Variants in PTCH1 observed in about 807,000 individuals in gnomAD.
PTCH1 encodes the protein protein patched homolog 1.
In PTCH1, 14 loss-of-function variants were observed where a neutral mutation model predicts 144.6. That is an observed-to-expected ratio of 0.10 (90% CI 0.06 to 0.15). PTCH1 has a LOEUF of 0.15. PTCH1 is among the 10% of genes least tolerant of loss of function. The pLI is 1.00. For missense variants in PTCH1, 1,623 were observed against 1,948.3 expected, an observed-to-expected ratio of 0.83 and a Z score of 3.14; for synonymous variants, 833 against 793.6, an observed-to-expected ratio of 1.05 and a Z score of -0.83.
chr9:95,466,293 C>T lies in PTCH1; in HGVS notation c.2560+823G>A, dbSNP rs957750732. 4.6e-5 allele frequency among the ~76,000 whole-genome samples: 7 copies of T among 152,096 alleles called. No homozygotes were observed. In the East Asian group the frequency reaches 5.8e-4, roughly 13 times the overall value. On this transcript the variant is annotated intron_variant, in intron 15 of 23. Coordinates refer to ENST00000331920, the MANE Select transcript of PTCH1 (RefSeq NM_000264.5). ...AACTCCTGACCTCAGGTGATCTGCC[C>T]GCCTTGGCATCCCAAAGTGCTGGGA...
intron 15 of PTCH1, among the ~76,000 whole-genome samples, chr9:95,465,844 T>C (rs1839950259): frequency 6.6e-6 from 1 of 152,244 alleles, no homozygotes. Flanking sequence ...AGTGTTTTGC[T>C]TGAATTGGGT....
chr9:95,492,366 G>C (rs1413817032), intron 2 of PTCH1, among the ~76,000 whole-genome samples: 1 of 152,098 alleles, frequency 6.6e-6, no homozygotes, highest in East Asian at 1.9e-4. Flanking sequence ...GAAAATGATT[G>C]CTTATCGGCA....
rs1841918369 is a variant in PTCH1, at chr9:95,485,768, A to G, written c.501T>C (p.Ala167=). ...LMIQTPKEEG[A]NVLTTEALLQ... The stretch of plus-strand genomic sequence containing the variant: ...GGAGCGCTTCTGTGGTCAGGACATT[A>G]GCACCTTCTTCTTTAGGGGTCTGTA... Residue 167 remains alanine (A), a synonymous_variant, in exon 3 of 24, where the codon GCT becomes GCC. Transcript: ENST00000331920. The G allele has an allele frequency of 6.2e-7, 1 of 1,614,222 alleles. No homozygotes were observed. Among genetic ancestry groups the G allele is most frequent in the Non-Finnish European group, 8.5e-7 (1 of 1,180,044 alleles).
In PTCH1 at chr9:95,453,478, C is replaced by T; in HGVS notation, c.3449G>A (p.Arg1150Lys). 5 of 1,614,104 alleles carry T rather than the reference C, an allele frequency of 3.1e-6. No individual in the cohort carries two copies. The South Asian group carries it at 5.5e-5, about 18-fold the overall frequency. The change falls in exon 20 of 24, where the codon AGG becomes AAG. Residue 1150 changes from arginine (R) to lysine (K), a missense_variant and splice_region_variant. By Grantham distance (26) the Arg-to-Lys change is conservative. Transcript: ENST00000331920. ...LAGSEFDFIV[R>K]YFFAVLAILT... The stretch of plus-strand genomic sequence containing the variant: ...TGTCTCCTTGCACACGCCTGCTTAC[C>T]TGACAATGAAGTCGAACTCAGATCC...
At chr9:95,468,300 G>A (rs1036083703) in intron 14 of PTCH1, among the ~76,000 whole-genome samples, 1 of 151,468 alleles carries the variant, frequency 6.6e-6, no homozygotes, top group African/African-American at 2.4e-5. Flanking sequence ...CAAGCAATCC[G>A]CTGGCCTTGG....
chr9:95,483,779 A>T (rs1841759947), intron 3 of PTCH1: 1 of 152,168 alleles, frequency 6.6e-6, no homozygotes. Context: ...ACATCCATGG[A>T]CATATTTATA....
At chr9:95,464,110 G>A (rs1401480841) in intron 15 of PTCH1, among the ~76,000 whole-genome samples, 2 of 152,194 alleles carry the variant, frequency 1.3e-5, no homozygotes, top group Non-Finnish European at 2.9e-5. Context: ...CACACTGCTG[G>A]TCACTTAGGT....
intron 1 of PTCH1, 84 bp from the exon 2 acceptor site, chr9:95,506,683 G>GCGCGC: frequency 1.7e-6 from 2 of 1,151,164 alleles, no homozygotes; most frequent in Non-Finnish European, 2.3e-6. Context: ...CCCGCCCGGT[G>GCGCGC]AGCCCCCAAC....
chr9:95,468,440 C>T (rs961722780), intron 14 of PTCH1, among the ~76,000 whole-genome samples: 6 of 152,216 alleles, frequency 3.9e-5, no homozygotes, highest in Admixed American at 3.3e-4. Flanking sequence ...TCAAACAATC[C>T]TCCTACCTCA....
Position 95,460,040 on chromosome 9 carries a change from C to G in PTCH1, c.2704-257G>C, listed in dbSNP as rs1245936399. 3 of 519,790 alleles carry G rather than the reference C, an allele frequency of 5.8e-6. No individual in the cohort carries two copies. In the East Asian group the frequency reaches 1.1e-4, roughly 18 times the overall value. The allele number at this position is 519,790 out of a possible 1,614,324, so 32.2% of individuals were successfully genotyped here. On this transcript the variant is annotated intron_variant, in intron 16 of 23. Coordinates refer to ENST00000331920, the MANE Select transcript of PTCH1 (RefSeq NM_000264.5). ...CAGGAATTGGCTGAACCAATTAAAT[C>G]TGAATGCTAAAAGACCGTCTGCAGC...
chr9:95,498,196 TTTTCA>T (rs1842914702), intron 2 of PTCH1, among the ~76,000 whole-genome samples: 1 of 152,250 alleles, frequency 6.6e-6, no homozygotes, highest in African/African-American at 2.4e-5. Flanking sequence ...CTACTGCTTC[TTTTCA>T]TTTATCCGAA....
At chr9:95,507,574 G>C (rs991197354) in intron 1 of PTCH1, 1 of 426,512 alleles carries the variant, frequency 2.3e-6, no homozygotes, top group Non-Finnish European at 3.1e-6. Context: ...AAACGGGGGG[G>C]ATATCTTTTT....
chr9:95,452,589 A>G (rs1838558109), intron 20 of PTCH1: 2 of 152,068 alleles, frequency 1.3e-5, no homozygotes, highest in Non-Finnish European at 2.9e-5. Flanking sequence ...CAAAAGGAAA[A>G]CTCACTGTTC....
chr9:95,449,768 G>A lies in PTCH1; in HGVS notation c.3549+73C>T, dbSNP rs1588519019. The A allele has an allele frequency of 2.2e-6, 3 of 1,374,366 alleles. No homozygotes were observed. The African/African-American group carries it at 4.3e-5, about 20-fold the overall frequency. The allele number at this position is 1,374,366 out of a possible 1,614,324, so 85.1% of individuals were successfully genotyped here. A position where few individuals can be genotyped will look rare whatever the true frequency, so the allele number is the denominator to read the frequency against. On this transcript the variant is annotated intron_variant, in intron 21 of 23. Transcript: ENST00000331920. The surrounding 1 kb of genome is among the most constrained non-coding windows in gnomAD (Gnocchi z 5.3). Reference sequence around the variant, plus strand: ...GCAAGTGGGGAGGCACCTAAGTATCGAAGTGAAGAGCGGCACAGGAAACAC... The same window carrying A: ...GCAAGTGGGGAGGCACCTAAGTATCAAAGTGAAGAGCGGCACAGGAAACAC...
chr9:95,446,465 CAG>C (rs1837899457), intron 23 of PTCH1, 74 bp from the exon 24 acceptor site: 2 of 508,660 alleles, frequency 3.9e-6, no homozygotes, highest in Non-Finnish European at 7.8e-6. Flanking sequence ...AGTACAAAAG[CAG>C]GCAGCAGTAA....
chr9:95,507,633 A>G (rs186985807), intron 1 of PTCH1: 216 of 249,842 alleles, frequency 8.6e-4, no homozygotes, highest in African/African-American at 4.6e-3. Flanking sequence ...CAACAAAACC[A>G]AAACTGGCTG....
At chr9:95,503,118 C>T (rs1392297478) in intron 2 of PTCH1, among the ~76,000 whole-genome samples, 3 of 152,212 alleles carry the variant, frequency 2.0e-5, no homozygotes, top group Non-Finnish European at 4.4e-5. Flanking sequence ...CTACCTCTAT[C>T]CATTTCGTTT....
chr9:95,491,902 A>G (rs1842431731), intron 2 of PTCH1, among the ~76,000 whole-genome samples: 1 of 152,258 alleles, frequency 6.6e-6, no homozygotes, highest in African/African-American at 2.4e-5. Context: ...AAAGTTAACT[A>G]TAGCAGACCT....
Position 95,509,243 on chromosome 9 carries a change from G to C in PTCH1, c.-882C>G, listed in dbSNP as rs917336063. On this transcript the variant is annotated 5_prime_UTR_variant, in exon 1 of 24. Transcript: ENST00000331920. ...GAACTCTCTCCATTTGGAGAAAGAA[G>C]AGGAGGAGGGGAGGGGAGGGGGTGG... 1.1e-4 allele frequency among the ~76,000 whole-genome samples: 16 copies of C among 151,086 alleles called. No individual in the cohort carries two copies. The highest frequency in any genetic ancestry group is 2.1e-4 in the Non-Finnish European group (14 of 67,788).
Sources: gnomAD v4.1 joint callset for allele counts (sites outside exome capture counted in the v4.1 genomes callset) on GRCh38, gnomAD v4.1.1 for gene constraint, Gnocchi (gnomAD v3.1) non-coding constraint, MANE v1.5 for transcripts, NCBI Gene and HGNC (gene_info 2026-07-23, HGNC 2026-07-21) for gene names.